The following CAMK2D variants were observed in gnomAD, a reference collection of about 807,000 sequenced individuals.
The protein encoded by CAMK2D is calcium/calmodulin-dependent protein kinase type II subunit delta.
Under a neutral mutation model 84.0 loss-of-function variants are expected in CAMK2D, and 37 were observed. That is an observed-to-expected ratio of 0.44 (90% confidence interval 0.34 to 0.58). CAMK2D has a LOEUF of 0.58. CAMK2D is among the 20% of genes least tolerant of loss of function. The pLI is 0.02. For missense variants in CAMK2D, 448 were observed against 652.5 expected (o/e 0.69, Z 3.41); for synonymous variants, 202 against 212.5 (o/e 0.95, Z 0.43).
intron 8 of CAMK2D, among the ~76,000 whole-genome samples, chr4:113,520,476 A>ATGAG (rs1025654752): frequency 6.6e-6 from 1 of 152,202 alleles, no homozygotes; most frequent in East Asian, 1.9e-4. Flanking sequence ...TTCTTGCCTC[A>ATGAG]TGAGTAAGCC....
At chr4:113,575,912 A>G (rs1385462534) in intron 4 of CAMK2D, among the ~76,000 whole-genome samples, 1 of 152,074 alleles carries the variant, frequency 6.6e-6, no homozygotes, top group East Asian at 1.9e-4. Context: ...CTGACTTCCT[A>G]GTAAGTAGGA....
intron 3 of CAMK2D, among the ~76,000 whole-genome samples, chr4:113,634,917 T>G (rs1324165058): frequency 6.6e-6 from 1 of 152,150 alleles, no homozygotes; most frequent in East Asian, 1.9e-4. Context: ...TCTCTTTACC[T>G]AAAATATGCA....
intron 2 of CAMK2D, among the ~76,000 whole-genome samples, chr4:113,694,051 C>G (rs529119602): frequency 6.6e-6 from 1 of 152,110 alleles, no homozygotes; most frequent in Non-Finnish European, 1.5e-5. Context: ...GTCTTAAAAA[C>G]CTCACATGAA....
intron 16 of CAMK2D, among the ~76,000 whole-genome samples, chr4:113,469,386 ACT>A (rs998828614): frequency 4.0e-5 from 6 of 151,482 alleles, no homozygotes; most frequent in African/African-American, 1.5e-4. Context: ...CTTTTACTTA[ACT>A]CTCTTGCTTT....
rs537963052 is a variant in CAMK2D at position 113,566,688 on chromosome 4, T to C, written c.276-14592A>G. On this transcript the variant is annotated intron_variant, in intron 4 of 20. Transcript: ENST00000511664. The stretch of plus-strand genomic sequence containing the variant: ...ACACTGGCCTTTGTTCTGCTCCTCA[T>C]TGAAGCCACATTTTCTCAGGGCTGT... Among the ~76,000 whole-genome samples the C allele has an allele frequency of 3.3e-5, 5 of 152,310 alleles. No homozygotes were observed. In the South Asian group the frequency reaches 8.3e-4, roughly 25 times the overall value.
intron 3 of CAMK2D, among the ~76,000 whole-genome samples, chr4:113,623,276 G>C (rs1055760785): frequency 6.6e-6 from 1 of 151,862 alleles, no homozygotes; most frequent in African/African-American, 2.4e-5. Context: ...CATTAGTAAA[G>C]TATTCTGTGA....
chr4:113,531,515 T>C (rs1490740579), intron 7 of CAMK2D, among the ~76,000 whole-genome samples: 1 of 152,194 alleles, frequency 6.6e-6, no homozygotes, highest in Non-Finnish European at 1.5e-5. Context: ...AAAAAATACA[T>C]CTTTTTTTCC....
chr4:113,467,265 T>C (rs1197046981), intron 16 of CAMK2D, among the ~76,000 whole-genome samples: 1 of 152,222 alleles, frequency 6.6e-6, no homozygotes, highest in East Asian at 1.9e-4. Flanking sequence ...TTATTCTTTA[T>C]TGACTAAAGA....
chr4:113,588,683 A>G (rs2098844967), intron 4 of CAMK2D, among the ~76,000 whole-genome samples: 1 of 152,180 alleles, frequency 6.6e-6, no homozygotes, highest in South Asian at 2.1e-4. Flanking sequence ...TTGCAAAACA[A>G]TGCTATATTC....
intron 16 of CAMK2D, among the ~76,000 whole-genome samples, chr4:113,471,109 T>C (rs2097541670): frequency 2.0e-5 from 3 of 152,220 alleles, no homozygotes; most frequent in Admixed American, 2.0e-4. Context: ...TCGAACTCCT[T>C]TGTTTTCCTG....
intron 16 of CAMK2D, among the ~76,000 whole-genome samples, chr4:113,494,452 G>A (rs1307165925): frequency 7.2e-5 from 11 of 152,104 alleles, no homozygotes; most frequent in Admixed American, 2.0e-4. Context: ...TAGGCTGCTC[G>A]GGGGTCAGGG....
intron 3 of CAMK2D, among the ~76,000 whole-genome samples, chr4:113,629,648 G>A (rs2099081583): frequency 6.6e-6 from 1 of 151,882 alleles, no homozygotes; most frequent in African/African-American, 2.4e-5. Context: ...AACAGTATTT[G>A]TTATACCTCT....
At chr4:113,708,034 A>G (rs1327731434) in intron 2 of CAMK2D, among the ~76,000 whole-genome samples, 1 of 152,170 alleles carries the variant, frequency 6.6e-6, no homozygotes, top group Non-Finnish European at 1.5e-5. Flanking sequence ...ATTTTTGCTC[A>G]TATTATTCAC....
chr4:113,608,091 T>TTACC (rs2098985537), intron 4 of CAMK2D, among the ~76,000 whole-genome samples: 1 of 152,206 alleles, frequency 6.6e-6, no homozygotes, highest in South Asian at 2.1e-4. Context: ...AGAATTTGGA[T>TTACC]TACCCTTTTT....
intron 20 of CAMK2D, 72 bp downstream of exon 20, chr4:113,455,654 G>A: frequency 1.2e-6 from 1 of 817,564 alleles, no homozygotes; most frequent in Non-Finnish European, 2.0e-6. Flanking sequence ...ATCCTCAAAA[G>A]GAAGGAAAAC....
At chr4:113,716,742 T>C (rs1210446182) in intron 2 of CAMK2D, among the ~76,000 whole-genome samples, 1 of 151,006 alleles carries the variant, frequency 6.6e-6, no homozygotes, top group Non-Finnish European at 1.5e-5. Context: ...ATAAAATTAC[T>C]GCATAAAAGT....
chr4:113,696,583 G>A (rs2099403550), intron 2 of CAMK2D, among the ~76,000 whole-genome samples: 1 of 152,054 alleles, frequency 6.6e-6, no homozygotes, highest in African/African-American at 2.4e-5. Flanking sequence ...TATTAGGTAA[G>A]TGTATTTGTA....
chr4:113,636,779 T>C (rs1000808046), intron 3 of CAMK2D, among the ~76,000 whole-genome samples: 2 of 152,042 alleles, frequency 1.3e-5, no homozygotes, highest in African/African-American at 4.8e-5. Flanking sequence ...TCTAATTACC[T>C]CTAAAGGGCC....
rs2098265872 is a variant in CAMK2D, at chr4:113,514,954, AT to A, written c.819+114del. On this transcript the variant is annotated intron_variant, in intron 10 of 20. Coordinates refer to ENST00000511664, the MANE Select transcript of CAMK2D (RefSeq NM_001321571.2). ...CTTAAACACCTCGAGTCAAAAATTC[AT>A]TCATTCTGAGTTTCATCTTTTTTTG... is the stretch of plus-strand genomic sequence containing the variant. 1.5e-5 allele frequency: 15 copies of A among 1,023,246 alleles called. No homozygotes were observed. The South Asian group carries it at 2.1e-4, about 14-fold the overall frequency. 63.4% of individuals were successfully genotyped at this position (1,023,246 alleles called of 1,614,324 possible). A position where few individuals can be genotyped will look rare whatever the true frequency, so the allele number is the denominator to read the frequency against.
Sources: gnomAD v4.1 joint callset for allele counts (sites outside exome capture counted in the v4.1 genomes callset) on GRCh38, gnomAD v4.1.1 for gene constraint, MANE v1.5 for transcripts, NCBI Gene and HGNC (gene_info 2026-07-23, HGNC 2026-07-21) for gene names.